KCNMA1: variants seen among roughly 807,000 people sequenced by gnomAD.
KCNMA1 encodes Calcium-activated potassium channel subunit alpha-1.
In KCNMA1, 29 loss-of-function variants were observed where a neutral mutation model predicts 140.0. That is an observed-to-expected ratio of 0.21 (90% CI 0.15 to 0.28). KCNMA1 has a LOEUF of 0.28. Among genes scored for constraint, KCNMA1 ranks in the 10% least tolerant of loss-of-function variants. The pLI, the probability that KCNMA1 is intolerant of heterozygous loss-of-function variation, is 1.00. For missense variants in KCNMA1, 880 were observed against 1,602.2 expected (o/e 0.55, Z 7.70); for synonymous variants, 612 against 611.9 (o/e 1.00, Z 0.00).
chr10:77,428,598 G>C (rs1211248209), intron 1 of KCNMA1, among the ~76,000 whole-genome samples: 1 of 152,028 alleles, frequency 6.6e-6, no homozygotes, highest in Non-Finnish European at 1.5e-5. Flanking sequence ...AGGCTAATTA[G>C]TCATGACAGT....
intron 2 of KCNMA1, among the ~76,000 whole-genome samples, chr10:77,278,076 G>A (rs898590639): frequency 2.0e-5 from 3 of 152,292 alleles, no homozygotes; most frequent in Middle Eastern, 3.4e-3. Context: ...ATGCTCTGTT[G>A]TAGACCTTTG....
intron 1 of KCNMA1, among the ~76,000 whole-genome samples, chr10:77,501,012 G>GCA (rs895207866): frequency 1.3e-5 from 2 of 152,188 alleles, no homozygotes; most frequent in African/African-American, 4.8e-5. Context: ...TCTGGAGTGG[G>GCA]GCCAAGCCCT....
intron 25 of KCNMA1, among the ~76,000 whole-genome samples, chr10:76,906,249 A>T (rs1326840720): frequency 6.6e-6 from 1 of 152,210 alleles, no homozygotes; most frequent in African/African-American, 2.4e-5. Context: ...CTCATATGTG[A>T]GTCTCATCCC....
chr10:77,420,102 G>A (rs761386757), intron 1 of KCNMA1, among the ~76,000 whole-genome samples: 13 of 152,256 alleles, frequency 8.5e-5, no homozygotes, highest in Non-Finnish European at 1.8e-4. Flanking sequence ...CTGGCCATCA[G>A]TGAAAGAGTG....
chr10:77,049,651 G>A (rs1224772613), intron 14 of KCNMA1, among the ~76,000 whole-genome samples: 3 of 152,198 alleles, frequency 2.0e-5, no homozygotes, highest in African/African-American at 7.2e-5. Flanking sequence ...TAAAACTGGA[G>A]AGAGAGGCCT....
At chr10:77,363,821 A>G (rs1394822900) in intron 2 of KCNMA1, among the ~76,000 whole-genome samples, 1 of 152,078 alleles carries the variant, frequency 6.6e-6, no homozygotes, top group Non-Finnish European at 1.5e-5. Context: ...CCTCCTCAAG[A>G]AAAACTCCCC....
chr10:77,387,527 GTTCTTTTCTT>G (rs57906683), intron 2 of KCNMA1, among the ~76,000 whole-genome samples: 32,074 of 139,182 alleles, frequency 0.23, 4,224 homozygotes, highest in Non-Finnish European at 0.31. Context: ...TCATGGAATT[GTTCTTTTCTT>G]TTCTTTTCTT....
At chr10:77,278,955 G>C (rs899147955) in intron 2 of KCNMA1, among the ~76,000 whole-genome samples, 1 of 152,166 alleles carries the variant, frequency 6.6e-6, no homozygotes, top group African/African-American at 2.4e-5. Flanking sequence ...TACACCTGAA[G>C]ATCCCCTCAT....
chr10:77,409,990 G>A (rs902116311), intron 1 of KCNMA1, among the ~76,000 whole-genome samples: 9 of 152,140 alleles, frequency 5.9e-5, no homozygotes, highest in African/African-American at 2.2e-4. Context: ...CTTTCTGAAA[G>A]CAACTGCTTT....
At chr10:77,540,303 T>C (rs2154554820) in intron 1 of KCNMA1, among the ~76,000 whole-genome samples, 1 of 152,328 alleles carries the variant, frequency 6.6e-6, no homozygotes, top group East Asian at 1.9e-4. Context: ...TTGGTATCCA[T>C]ATAAAGGCTA....
chr10:77,324,393 C>A (rs2083264682), intron 2 of KCNMA1, among the ~76,000 whole-genome samples: 1 of 152,156 alleles, frequency 6.6e-6, no homozygotes, highest in African/African-American at 2.4e-5. Context: ...TACCCAGTAC[C>A]AAGCCTGGTA....
At chr10:77,466,564 C>T (rs2098019724) in intron 1 of KCNMA1, among the ~76,000 whole-genome samples, 2 of 152,284 alleles carry the variant, frequency 1.3e-5, no homozygotes, top group African/African-American at 4.8e-5. Flanking sequence ...ACAAATACTA[C>T]ATATTACATA....
At chr10:76,911,518 A>G (rs1238429547) in intron 24 of KCNMA1, 1 of 152,186 alleles carries the variant, frequency 6.6e-6, no homozygotes, top group Non-Finnish European at 1.5e-5. Context: ...TGTTTCTGTA[A>G]AATGGGGGAG....
intron 1 of KCNMA1, among the ~76,000 whole-genome samples, chr10:77,557,003 T>C (rs1030261430): frequency 2.6e-5 from 4 of 152,220 alleles, no homozygotes; most frequent in Middle Eastern, 3.4e-3. Flanking sequence ...CAAGACCTGA[T>C]TGGTTTGAGA....
intron 1 of KCNMA1, among the ~76,000 whole-genome samples, chr10:77,495,279 A>T (rs1157667517): frequency 6.6e-6 from 1 of 152,188 alleles, no homozygotes; most frequent in Non-Finnish European, 1.5e-5. Flanking sequence ...ACCCCAGCCC[A>T]GGCCTTTGTG....
At chr10:77,468,566 G>A (rs1008234822) in intron 1 of KCNMA1, among the ~76,000 whole-genome samples, 5 of 152,190 alleles carry the variant, frequency 3.3e-5, no homozygotes, top group Non-Finnish European at 1.5e-5. Flanking sequence ...TACACAGGGA[G>A]AAGAAGGCAG....
chr10:77,161,765 T>C (rs2098557114), intron 5 of KCNMA1, among the ~76,000 whole-genome samples: 1 of 152,252 alleles, frequency 6.6e-6, no homozygotes, highest in South Asian at 2.1e-4. Context: ...TGTCTTCTCA[T>C]GTTTACTCTT....
At chr10:77,165,195 G>A (rs16934328) in intron 5 of KCNMA1, among the ~76,000 whole-genome samples, 22,519 of 151,988 alleles carry the variant, frequency 0.15, 2,068 homozygotes, top group African/African-American at 0.25. Context: ...CCACCCAACG[G>A]TAGTCAATGG....
chr10:77,413,990 G>A (rs2096678352), intron 1 of KCNMA1, among the ~76,000 whole-genome samples: 3 of 152,144 alleles, frequency 2.0e-5, no homozygotes, highest in Non-Finnish European at 2.9e-5. Flanking sequence ...ATTGCTTTCT[G>A]GGTGCCCTGT....
Sources: allele counts gnomAD v4.1 joint callset (sites outside exome capture counted in the v4.1 genomes callset), GRCh38; gene constraint gnomAD v4.1.1; transcripts MANE v1.5; gene names NCBI Gene and HGNC (gene_info 2026-07-23, HGNC 2026-07-21).